The following ZNF605 variants were observed in gnomAD, a reference collection of about 807,000 sequenced individuals.
ZNF605 encodes the protein zinc finger protein 605.
ZNF605 carries 9 observed loss-of-function variants against 7.9 expected under a neutral mutation model. The ratio of observed to expected loss-of-function variants is 1.14; its 90% confidence interval spans 0.68 to 1.98. ZNF605 has a LOEUF of 1.98. Ranked by LOEUF, ZNF605 falls within the 30% of genes most tolerant of loss-of-function variation. The probability of loss-of-function intolerance (pLI) is 0.00; values close to 1 mark genes in which losing one functional copy is unlikely to be tolerated. For missense variants in ZNF605, 673 were observed against 762.4 expected (o/e 0.88, Z 1.38); for synonymous variants, 255 against 260.1 (o/e 0.98, Z 0.19).
At chr12:132,942,941 G>A (rs924706723) in intron 3 of ZNF605, among the ~76,000 whole-genome samples, 1 of 152,150 alleles carries the variant, frequency 6.6e-6, no homozygotes, top group Non-Finnish European at 1.5e-5. Context: ...TGCCTCAGAC[G>A]ATTTACCTGG....
At chr12:132,952,378 T>C (rs1952582182) in intron 1 of ZNF605, among the ~76,000 whole-genome samples, 1 of 144,544 alleles carries the variant, frequency 6.9e-6, no homozygotes, top group Non-Finnish European at 1.5e-5. Flanking sequence ...GAAGAATCAC[T>C]GGAACCCAGG....
chr12:132,946,364 C>T (rs1952494106), intron 2 of ZNF605, among the ~76,000 whole-genome samples: 1 of 152,228 alleles, frequency 6.6e-6, no homozygotes. Flanking sequence ...AACAGACACC[C>T]CTGGGCAGAC....
At chr12:132,955,546 A>G (rs2316469) in intron 1 of ZNF605, among the ~76,000 whole-genome samples, 90,520 of 151,832 alleles carry the variant, frequency 0.6, 28,074 homozygotes, top group East Asian at 0.77. Context: ...AGGGAACGGG[A>G]GATCTTTGCA....
chr12:132,927,709 T>G (rs1952261732), intron 4 of ZNF605, among the ~76,000 whole-genome samples: 1 of 147,778 alleles, frequency 6.8e-6, no homozygotes, highest in Non-Finnish European at 1.5e-5. Flanking sequence ...CACGCTGGAG[T>G]GCAGTGGTGC....
intron 3 of ZNF605, chr12:132,945,210 C>A: frequency 1.7e-6 from 1 of 588,354 alleles, no homozygotes; most frequent in Non-Finnish European, 3.0e-6. Context: ...ATGATCTGCC[C>A]TCCTCGGCCT....
At chr12:132,937,084 C>T (rs1431781220) in intron 3 of ZNF605, among the ~76,000 whole-genome samples, 5 of 152,088 alleles carry the variant, frequency 3.3e-5, no homozygotes, top group Non-Finnish European at 7.3e-5. Context: ...GGTGGCTGGG[C>T]GCGGTGGCTC....
At chr12:132,952,377 C>T (rs1346188016) in intron 1 of ZNF605, among the ~76,000 whole-genome samples, 1 of 149,154 alleles carries the variant, frequency 6.7e-6, no homozygotes, top group African/African-American at 2.5e-5. Flanking sequence ...GGAAGAATCA[C>T]TGGAACCCAG....
chr12:132,948,850 C>T (rs1384025483), intron 1 of ZNF605, among the ~76,000 whole-genome samples: 2 of 152,150 alleles, frequency 1.3e-5, no homozygotes, highest in East Asian at 3.9e-4. Context: ...CGCTCAGGAA[C>T]CCCACGGTGC....
intron 3 of ZNF605, among the ~76,000 whole-genome samples, chr12:132,943,342 G>C (rs1952463844): frequency 6.6e-6 from 1 of 150,398 alleles, no homozygotes; most frequent in Non-Finnish European, 1.5e-5. Context: ...CTAGGCGACA[G>C]AGCGAGACTC....
In ZNF605 at chr12:132,926,661, G is replaced by A. The variant is rs974962247; in HGVS notation, c.638C>T (p.Thr213Met). The A allele has an allele frequency of 4.1e-5, 66 of 1,613,580 alleles. No homozygotes were observed. Among genetic ancestry groups the A allele is most frequent in the African/African-American group, 4.0e-5 (3 of 74,896 alleles). The change falls in exon 5 of 5, where the codon ACG (threonine) becomes ATG (methionine). Residue 213 changes from threonine (T) to methionine (M), a missense_variant. Coordinates refer to ENST00000360187, the MANE Select transcript of ZNF605 (RefSeq NM_183238.4). ...GKAFSQKSLL[T>M]VHQRTHSGEK... ...TCCTGAGTGAGTTCTTTGATGAACC[G>A]TGAGCAGTGACTTCTGTGAAAAGGC...
In ZNF605 at chr12:132,926,220, G is replaced by T. The variant is rs1250092572; in HGVS notation, c.1079C>A (p.Thr360Lys). The part of the protein sequence containing the change: ...SLLIRHQRIH[T>K]GEKPYECNEC... ...GTTGCATTCGTAGGGCTTCTCTCCTGTATGAATCCTCTGATGCCTAATGAG... is the reference window on the plus strand; with the variant it reads ...GTTGCATTCGTAGGGCTTCTCTCCTTTATGAATCCTCTGATGCCTAATGAG... The change falls in exon 5 of 5, where the codon ACA (threonine) becomes AAA (lysine). Residue 360 changes from threonine (T) to lysine (K), a missense_variant. Coordinates refer to ENST00000360187, the MANE Select transcript of ZNF605 (RefSeq NM_183238.4). 6.2e-7 allele frequency: 1 copy of T among 1,614,174 alleles called. No homozygotes were observed. Among genetic ancestry groups the T allele is most frequent in the Non-Finnish European group, 8.5e-7 (1 of 1,180,026 alleles).
intron 1 of ZNF605, among the ~76,000 whole-genome samples, chr12:132,953,915 C>T (rs1439024936): frequency 1.3e-5 from 2 of 152,060 alleles, no homozygotes; most frequent in South Asian, 4.1e-4. Context: ...TCCTCACAGA[C>T]CTCACTGCCC....
At chr12:132,954,345 GGGA>G (rs1385924607) in intron 1 of ZNF605, among the ~76,000 whole-genome samples, 1 of 134,606 alleles carries the variant, frequency 7.4e-6, no homozygotes, top group Non-Finnish European at 1.6e-5. Flanking sequence ...AGCTGGGGAG[GGGA>G]GGAGAAGGGT....
intron 4 of ZNF605, among the ~76,000 whole-genome samples, chr12:132,931,874 T>C (rs1029925562): frequency 1.3e-5 from 2 of 152,116 alleles, no homozygotes; most frequent in Non-Finnish European, 2.9e-5. Flanking sequence ...AAATCCTTAG[T>C]TTGTACAGAG....
Position 132,925,996 on chromosome 12 carries a change from G to A in ZNF605, c.1303C>T (p.Gln435Ter). 1 of 1,614,176 alleles carries A rather than the reference G, an allele frequency of 6.2e-7. No homozygotes were observed. The highest frequency in any genetic ancestry group is 2.2e-5 in the East Asian group (1 of 44,882). ...TGTGTTCTGTGATGCGTTAGGAGCT[G>A]GGACTTCCCAAAGAAGGTTTTCCCA... ...QCGKTFFGKS[Q>*]LLTHHRTHTG... Residue 435 changes from glutamine (Q) to a stop codon, truncating the protein, a stop_gained, in exon 5 of 5, where the codon CAG (glutamine) becomes TAG (stop). Transcript: ENST00000360187. LOFTEE classifies it low-confidence loss of function (END_TRUNC).
At chr12:132,944,498 T>A (rs1036839729) in intron 3 of ZNF605, among the ~76,000 whole-genome samples, 4 of 152,324 alleles carry the variant, frequency 2.6e-5, no homozygotes, top group Admixed American at 1.3e-4. Context: ...GGCATTTCCA[T>A]CCAAAACACA....
At chr12:132,953,655 G>C (rs1952598327) in intron 1 of ZNF605, among the ~76,000 whole-genome samples, 1 of 146,072 alleles carries the variant, frequency 6.8e-6, no homozygotes, top group Non-Finnish European at 1.5e-5. Context: ...TGGATCTCTT[G>C]ACCTCCTGAT....
intron 4 of ZNF605, chr12:132,932,640 A>G (rs1340198163): frequency 2.4e-5 from 23 of 972,916 alleles, no homozygotes; most frequent in Non-Finnish European, 3.4e-5. Context: ...ACAACACTTT[A>G]AAAGTGCCCA....
At position 132,926,689 on chromosome 12, in the gene ZNF605, T is replaced by C; in HGVS notation, c.610A>G (p.Lys204Glu). ...AGCAGTGACTTCTGTGAAAAGGCTT[T>C]TCCACACTCACTGCATTGATAGGGC... ...EKPYQCSECG[K>E]AFSQKSLLTV... The change falls in exon 5 of 5, where the codon AAA becomes GAA. Residue 204 changes from lysine (K) to glutamate (E), a missense_variant. By Grantham distance (56) the Lys-to-Glu change is moderately conservative (BLOSUM62 1). Coordinates refer to ENST00000360187, the MANE Select transcript of ZNF605 (RefSeq NM_183238.4). The C allele has an allele frequency of 1.2e-6, 2 of 1,614,032 alleles. No individual in the cohort carries two copies. Among genetic ancestry groups the C allele is most frequent in the Non-Finnish European group, 1.7e-6 (2 of 1,179,978 alleles).
Sources: allele counts gnomAD v4.1 joint callset (sites outside exome capture counted in the v4.1 genomes callset), GRCh38; gene constraint gnomAD v4.1.1; transcripts MANE v1.5; gene names NCBI Gene and HGNC (gene_info 2026-07-23, HGNC 2026-07-21).